Variants in UBE3C observed in about 807,000 individuals in gnomAD.
UBE3C encodes ubiquitin-protein ligase E3C.
Under a neutral mutation model 129.4 loss-of-function variants are expected in UBE3C, and 42 were observed. That is an observed-to-expected ratio of 0.32 (90% CI 0.25 to 0.42). The LOEUF is 0.42. Ranked by LOEUF, UBE3C falls within the 10% of genes least tolerant of loss-of-function variation. The probability of loss-of-function intolerance (pLI) is 1.00; values close to 1 mark genes in which losing one functional copy is unlikely to be tolerated. For synonymous variants in UBE3C, 510 were observed against 492.4 expected, an observed-to-expected ratio of 1.04 and a Z score of -0.47; for missense variants, 1,049 against 1,319.1, an observed-to-expected ratio of 0.80 and a Z score of 3.17.
intron 8 of UBE3C, among the ~76,000 whole-genome samples, chr7:157,182,888 A>T (rs892685077): frequency 6.6e-6 from 1 of 152,074 alleles, no homozygotes; most frequent in African/African-American, 2.4e-5. Flanking sequence ...AGCTGGGACT[A>T]CAGGTGCACG....
At chr7:157,192,302 G>A in intron 10 of UBE3C, 2 of 455,608 alleles carry the variant, frequency 4.4e-6, no homozygotes, top group East Asian at 5.0e-5. Flanking sequence ...TTTTAAGCTT[G>A]TTAAGAAATA....
chr7:157,242,076 A>G (rs757431788), intron 18 of UBE3C, among the ~76,000 whole-genome samples: 2 of 152,204 alleles, frequency 1.3e-5, no homozygotes, highest in Non-Finnish European at 2.9e-5. Context: ...GATTGTGGCG[A>G]TGGTCATACA....
At chr7:157,160,910 G>T (rs192974156) in intron 1 of UBE3C, among the ~76,000 whole-genome samples, 26 of 152,220 alleles carry the variant, frequency 1.7e-4, no homozygotes, top group African/African-American at 5.3e-4. Flanking sequence ...GTGTTTGTGC[G>T]TATAATCCTA....
intron 22 of UBE3C, among the ~76,000 whole-genome samples, chr7:157,265,538 G>A (rs1276551566): frequency 2.0e-5 from 3 of 152,164 alleles, no homozygotes; most frequent in African/African-American, 7.2e-5. Flanking sequence ...CGTATTCATT[G>A]CATCATTTTT....
chr7:157,198,532 C>CT (rs71189987), intron 10 of UBE3C: 19,229 of 276,456 alleles, frequency 0.07, 236 homozygotes, highest in Non-Finnish European at 0.091. Flanking sequence ...CTGTATTTGT[C>CT]TTTTTTTTTT....
At chr7:157,170,196 T>C (rs1808329075) in intron 3 of UBE3C, 108 bp from the exon 4 acceptor site, 1 of 1,035,404 alleles carries the variant, frequency 9.7e-7, no homozygotes, top group Non-Finnish European at 1.3e-6. Context: ...GGTGTTTTCG[T>C]TGTCAATTTC....
intron 14 of UBE3C, among the ~76,000 whole-genome samples, chr7:157,220,204 G>A (rs1028951090): frequency 1.3e-5 from 2 of 151,922 alleles, no homozygotes; most frequent in Admixed American, 6.6e-5. Flanking sequence ...GAGTGAGACC[G>A]TGTATCAAAA....
At position 157,202,680 on chromosome 7, in the gene UBE3C, T is replaced by C. The variant is rs142143749; in HGVS notation, c.1418+873T>C. Among the ~76,000 whole-genome samples the C allele has an allele frequency of 7.2e-3, 1,097 of 152,206 alleles. 8 individuals carry two copies. The highest frequency in any genetic ancestry group is 0.023 in the South Asian group (111 of 4,820). On this transcript the variant is annotated intron_variant, in intron 11 of 22. Coordinates refer to ENST00000348165, the MANE Select transcript of UBE3C (RefSeq NM_014671.3). ...AAAAAAAAAGAAAAAAAGAAGTCTA[T>C]GCCAATCCCCCTGTGCTGTAATCGG... is the stretch of plus-strand genomic sequence containing the variant.
rs535505427 is a variant in UBE3C at position 157,248,689 on chromosome 7, A to C, written c.2694+109A>C. The C allele has an allele frequency of 4.1e-6, 5 of 1,215,376 alleles. No individual in the cohort carries two copies. In the East Asian group the frequency reaches 1.2e-4, roughly 28 times the overall value. 75.3% of individuals were successfully genotyped at this position (1,215,376 alleles called of 1,614,324 possible). Reference sequence around the variant, plus strand: ...CGTTTGACTTCCGCACATTTTAGTTAGAATGACTGTGGCTGTGAGTTAGAC... The same window carrying C: ...CGTTTGACTTCCGCACATTTTAGTTCGAATGACTGTGGCTGTGAGTTAGAC... On this transcript the variant is annotated intron_variant, in intron 19 of 22. Transcript: ENST00000348165.
At chr7:157,156,300 C>CT (rs1173730075) in intron 1 of UBE3C, among the ~76,000 whole-genome samples, 9,611 of 85,898 alleles carry the variant, frequency 0.11, 1,106 homozygotes, top group African/African-American at 0.13. Flanking sequence ...ACCCCCAGTT[C>CT]TTTTTTTTTT....
chr7:157,248,817 C>T (rs541046574), intron 19 of UBE3C, among the ~76,000 whole-genome samples: 2 of 152,332 alleles, frequency 1.3e-5, no homozygotes, highest in African/African-American at 4.8e-5. Flanking sequence ...GCCCCTCCTG[C>T]GGAGCTCCAC....
intron 13 of UBE3C, among the ~76,000 whole-genome samples, chr7:157,210,753 C>T (rs1406144356): frequency 1.3e-5 from 2 of 152,166 alleles, no homozygotes; most frequent in Non-Finnish European, 2.9e-5. Context: ...TTGATTTTGA[C>T]AGAATTGCAA....
At chr7:157,178,397 C>T (rs1808581202) in intron 5 of UBE3C, among the ~76,000 whole-genome samples, 1 of 152,164 alleles carries the variant, frequency 6.6e-6, no homozygotes, top group African/African-American at 2.4e-5. Context: ...ATACTTCTTA[C>T]AGTGTTTTGT....
intron 5 of UBE3C, among the ~76,000 whole-genome samples, chr7:157,176,725 G>A (rs1041760484): frequency 2.0e-5 from 3 of 152,170 alleles, no homozygotes; most frequent in Admixed American, 6.5e-5. Context: ...TAAGCAGCCC[G>A]TTTTTCTTGG....
chr7:157,221,018 A>C, intron 15 of UBE3C: 1 of 429,582 alleles, frequency 2.3e-6, no homozygotes, highest in East Asian at 4.4e-5. Flanking sequence ...AAGGCCTCCA[A>C]AGGGAACCAT....
rs764534367 is a variant in UBE3C, at chr7:157,163,803, G to A, written c.67-7G>A. 1.9e-6 allele frequency: 3 copies of A among 1,612,204 alleles called. No individual in the cohort carries two copies. Among genetic ancestry groups the A allele is most frequent in the Admixed American group, 1.7e-5 (1 of 59,762 alleles). On this transcript the variant is annotated splice_region_variant and splice_polypyrimidine_tract_variant and intron_variant, in intron 1 of 22. Coordinates refer to ENST00000348165, the MANE Select transcript of UBE3C (RefSeq NM_014671.3). ...CCTTACCTCCTTTTTTCTCTGTTTG[G>A]GTGTAGGAGGAAAAGGCTTCTCTTT... is the stretch of plus-strand genomic sequence containing the variant.
At chr7:157,199,809 C>T (rs1448379146) in intron 10 of UBE3C, among the ~76,000 whole-genome samples, 1 of 152,172 alleles carries the variant, frequency 6.6e-6, no homozygotes, top group Non-Finnish European at 1.5e-5. Flanking sequence ...TTTGCTCGAA[C>T]ATTAATGACA....
At position 157,141,920 on chromosome 7, in the gene UBE3C, T is replaced by G. The variant is rs1201524069; in HGVS notation, c.66+2582T>G. Reference sequence around the variant, plus strand: ...GACCTTTGCTGTGTGTGCCTTTTGGTGCACATAATACTCTTGTGCTGGGTC... The same window carrying G: ...GACCTTTGCTGTGTGTGCCTTTTGGGGCACATAATACTCTTGTGCTGGGTC... On this transcript the variant is annotated intron_variant, in intron 1 of 22. Transcript: ENST00000348165. Among the ~76,000 whole-genome samples the G allele has an allele frequency of 4.6e-5, 7 of 152,214 alleles. No homozygotes were observed. The East Asian group carries it at 1.3e-3, about 29-fold the overall frequency.
rs978945549 is a variant in UBE3C, at chr7:157,254,414, T to C, written c.2950+104T>C. The C allele has an allele frequency of 1.7e-5, 11 of 641,232 alleles. 1 individual carries two copies. Among genetic ancestry groups the C allele is most frequent in the East Asian group, 1.0e-4 (2 of 19,084 alleles). 39.7% of individuals were successfully genotyped at this position (641,232 alleles called of 1,614,324 possible). ...AATTAATTTATTTATTTTTTTTTTTTCAGACTGAGTTTCACTCTTGTCGCC... is the reference window on the plus strand; with the variant it reads ...AATTAATTTATTTATTTTTTTTTTTCCAGACTGAGTTTCACTCTTGTCGCC... On this transcript the variant is annotated intron_variant, in intron 21 of 22. Coordinates refer to ENST00000348165, the MANE Select transcript of UBE3C (RefSeq NM_014671.3).
Sources: gnomAD v4.1 joint callset for allele counts (sites outside exome capture counted in the v4.1 genomes callset) on GRCh38, gnomAD v4.1.1 for gene constraint, MANE v1.5 for transcripts, NCBI Gene and HGNC (gene_info 2026-07-23, HGNC 2026-07-21) for gene names.